ADAMTSL3: variants seen among roughly 807,000 people sequenced by gnomAD.
ADAMTSL3 encodes the protein ADAMTS-like protein 3.
In ADAMTSL3, 128 loss-of-function variants were observed where a neutral mutation model predicts 201.7. The observed-to-expected ratio is 0.63, with a 90% CI of 0.55 to 0.73. ADAMTSL3 has a LOEUF of 0.73. ADAMTSL3 is among the 30% of genes least tolerant of loss of function. ADAMTSL3 has a pLI of 0.00. For synonymous variants in ADAMTSL3, 738 were observed against 748.4 expected (o/e 0.99, Z 0.23); for missense variants, 1,990 against 2,119.6 (o/e 0.94, Z 1.20).
intron 3 of ADAMTSL3, among the ~76,000 whole-genome samples, chr15:83,769,786 C>A (rs973502785): frequency 3.0e-5 from 4 of 135,172 alleles, no homozygotes; most frequent in Non-Finnish European, 6.5e-5. Context: ...TTTAATTTTT[C>A]TTTTTTTTTT....
chr15:83,948,276 A>T (rs140608298), intron 19 of ADAMTSL3, among the ~76,000 whole-genome samples: 63 of 152,304 alleles, frequency 4.1e-4, no homozygotes, highest in African/African-American at 1.5e-3. Context: ...GTGCTCAGTC[A>T]CATAGGGTTG....
intron 23 of ADAMTSL3, among the ~76,000 whole-genome samples, chr15:84,008,396 C>T (rs1190344867): frequency 2.6e-5 from 4 of 152,290 alleles, no homozygotes; most frequent in African/African-American, 7.2e-5. Flanking sequence ...CACCAGGCCC[C>T]GTGGTGAGTT....
intron 4 of ADAMTSL3, among the ~76,000 whole-genome samples, chr15:83,801,613 G>C (rs942986477): frequency 8.7e-6 from 1 of 114,684 alleles, no homozygotes; most frequent in Admixed American, 9.8e-5. Context: ...CACAAGAAAA[G>C]GTCAATGAAA....
chr15:83,969,981 G>A (rs1567271846), intron 19 of ADAMTSL3, among the ~76,000 whole-genome samples: 1 of 152,190 alleles, frequency 6.6e-6, no homozygotes, highest in Non-Finnish European at 1.5e-5. Flanking sequence ...TCCGATTGTG[G>A]TAATGGTGTC....
chr15:83,793,845 A>G (rs1331782212), intron 4 of ADAMTSL3, among the ~76,000 whole-genome samples: 1 of 152,204 alleles, frequency 6.6e-6, no homozygotes, highest in Non-Finnish European at 1.5e-5. Flanking sequence ...ATATGGCTGC[A>G]GTAATGAGAG....
chr15:83,807,663 C>A (rs779014787), intron 5 of ADAMTSL3, among the ~76,000 whole-genome samples: 7 of 151,920 alleles, frequency 4.6e-5, no homozygotes, highest in Non-Finnish European at 1.0e-4. Context: ...CTCTGAACAC[C>A]CAAAGCAATC....
intron 4 of ADAMTSL3, among the ~76,000 whole-genome samples, chr15:83,787,419 A>G (rs1237123380): frequency 2.0e-5 from 3 of 152,194 alleles, no homozygotes; most frequent in African/African-American, 7.2e-5. Flanking sequence ...AAACTCCATG[A>G]CTATAGTATG....
At chr15:83,883,652 C>T (rs546822249) in intron 9 of ADAMTSL3, among the ~76,000 whole-genome samples, 13 of 151,494 alleles carry the variant, frequency 8.6e-5, no homozygotes, top group Non-Finnish European at 1.9e-4. Context: ...AACTCCTGGA[C>T]TCAAGGTGTC....
At chr15:83,665,484 A>G (rs943327145) in intron 2 of ADAMTSL3, among the ~76,000 whole-genome samples, 1 of 152,212 alleles carries the variant, frequency 6.6e-6, no homozygotes, top group Non-Finnish European at 1.5e-5. Flanking sequence ...GAAAGCAGCC[A>G]GGAGAAAGGG....
At chr15:83,929,483 T>C (rs1364938300) in intron 17 of ADAMTSL3, among the ~76,000 whole-genome samples, 1 of 152,154 alleles carries the variant, frequency 6.6e-6, no homozygotes, top group East Asian at 1.9e-4. Flanking sequence ...ACATCACTTA[T>C]ATTGGAGTAG....
At chr15:84,029,808 TGGGCTGAGCCCA>T (rs1362291336) in intron 27 of ADAMTSL3, among the ~76,000 whole-genome samples, 1 of 152,240 alleles carries the variant, frequency 6.6e-6, no homozygotes, top group East Asian at 1.9e-4. Flanking sequence ...AGTGGTTTCC[TGGGCTGAGCCCA>T]GGAACTTGCT....
At chr15:83,954,863 C>A (rs2066827404) in intron 19 of ADAMTSL3, among the ~76,000 whole-genome samples, 2 of 152,228 alleles carry the variant, frequency 1.3e-5, no homozygotes, top group Non-Finnish European at 2.9e-5. Context: ...CTCTCTCTCT[C>A]TCTGCTGAGC....
intron 23 of ADAMTSL3, among the ~76,000 whole-genome samples, chr15:84,002,936 C>CTTTTTTTTTTTTTTTTTTTTTTTTT (rs368176543): frequency 3.0e-5 from 3 of 99,984 alleles, no homozygotes; most frequent in African/African-American, 4.0e-5. Context: ...CTTTTCTTTT[C>CTTTTTTTTTTTTTTTTTTTTTTTTT]TTTTTTTTTT....
intron 2 of ADAMTSL3, among the ~76,000 whole-genome samples, chr15:83,673,640 G>C (rs1224708293): frequency 1.3e-5 from 2 of 152,196 alleles, no homozygotes; most frequent in East Asian, 3.9e-4. Context: ...ACCAAGGGAA[G>C]TTTGTCCTTC....
chr15:83,692,555 G>A (rs1046346439), intron 2 of ADAMTSL3, among the ~76,000 whole-genome samples: 4 of 151,754 alleles, frequency 2.6e-5, no homozygotes, highest in South Asian at 2.1e-4. Flanking sequence ...GTGTGGCGGC[G>A]GGCACCTGTA....
rs1035587349 is a variant in ADAMTSL3, at chr15:83,983,132, C to G, written c.3504C>G (p.Gly1168=). 6.2e-7 allele frequency: 1 copy of G among 1,613,764 alleles called. No homozygotes were observed. Among genetic ancestry groups the G allele is most frequent in the African/African-American group, 1.3e-5 (1 of 74,900 alleles). The change falls in exon 21 of 30, where the codon GGC becomes GGG. Residue 1168 remains glycine, a synonymous_variant. Coordinates refer to ENST00000286744, the MANE Select transcript of ADAMTSL3 (RefSeq NM_207517.3). The part of the protein sequence containing the change: ...VSQSSHAKNS[G]KLTFKPKGPV... ...AAAGCTCGCATGCAAAAAACTCAGG[C>G]AAGCTGACATTCAAGCCGAAAGGAC... is the stretch of plus-strand genomic sequence containing the variant.
chr15:83,785,622 G>A (rs1402425665), intron 4 of ADAMTSL3, among the ~76,000 whole-genome samples: 3 of 152,060 alleles, frequency 2.0e-5, no homozygotes, highest in Non-Finnish European at 4.4e-5. Flanking sequence ...CTGGCACATG[G>A]TGACCAACTT....
chr15:83,690,835 C>G (rs1447581262), intron 2 of ADAMTSL3, among the ~76,000 whole-genome samples: 3 of 152,208 alleles, frequency 2.0e-5, no homozygotes, highest in Non-Finnish European at 4.4e-5. Context: ...ATCGTAATAT[C>G]ATACATTTGT....
chr15:83,873,958 A>T (rs1246739667), intron 9 of ADAMTSL3, among the ~76,000 whole-genome samples: 1 of 145,124 alleles, frequency 6.9e-6, no homozygotes, highest in Non-Finnish European at 1.5e-5. Flanking sequence ...GTGGAGAGAG[A>T]TGAAGATTTT....
Sources: gnomAD v4.1 joint callset for allele counts (sites outside exome capture counted in the v4.1 genomes callset) on GRCh38, gnomAD v4.1.1 for gene constraint, MANE v1.5 for transcripts, NCBI Gene and HGNC (gene_info 2026-07-23, HGNC 2026-07-21) for gene names.